CHID1: variants seen among roughly 807,000 people sequenced by gnomAD.
The protein encoded by CHID1 is chitinase domain-containing protein 1.
CHID1 carries 44 observed loss-of-function variants against 55.4 expected under a neutral mutation model. The ratio of observed to expected loss-of-function variants is 0.79; its 90% CI spans 0.62 to 1.02. The LOEUF is 1.02. Ranked by LOEUF, CHID1 falls within the 50% of genes least tolerant of loss-of-function variation. The pLI is 0.00. For missense variants in CHID1, 491 were observed against 515.3 expected, an observed-to-expected ratio of 0.95 and a Z score of 0.46; for synonymous variants, 216 against 212.9, an observed-to-expected ratio of 1.01 and a Z score of -0.13.
chr11:906,920 C>T (rs538231293), intron 1 of CHID1, among the ~76,000 whole-genome samples: 6 of 152,134 alleles, frequency 3.9e-5, no homozygotes, highest in Admixed American at 1.3e-4. Context: ...CCCAGCTTCT[C>T]GGGACGCTGA....
rs763040581 is a variant in CHID1, at chr11:868,890, C to A, written c.*968G>T. 1 of 152,156 alleles carries A rather than the reference C, an allele frequency of 6.6e-6. No homozygotes were observed. Among genetic ancestry groups the A allele is most frequent in the African/African-American group, 2.4e-5 (1 of 41,400 alleles). The allele number at this position is 152,156 out of a possible 1,614,324, so 9.4% of individuals were successfully genotyped here. On this transcript the variant is annotated 3_prime_UTR_variant, in exon 13 of 13. Transcript: ENST00000323578. Reference sequence around the variant, plus strand: ...GAGAGACCTTGCCCGGGACATGTACCCACCTATGCCCTCTACTGCCCACCT... The same window carrying A: ...GAGAGACCTTGCCCGGGACATGTACACACCTATGCCCTCTACTGCCCACCT...
Position 906,399 on chromosome 11 carries a change from C to T in CHID1, c.-43-1540G>A, listed in dbSNP as rs192332407. On this transcript the variant is annotated intron_variant, in intron 1 of 12. Coordinates refer to ENST00000323578, the MANE Select transcript of CHID1 (RefSeq NM_023947.4). ...GATTATAGGCGCGTGCCACCACATCCGGCTAGTTTTTGTATTTTTAGTAGA... is the reference window on the plus strand; with the variant it reads ...GATTATAGGCGCGTGCCACCACATCTGGCTAGTTTTTGTATTTTTAGTAGA... Among the ~76,000 whole-genome samples the T allele has an allele frequency of 3.2e-3, 483 of 152,208 alleles. 1 individual carries two copies. The highest frequency in any genetic ancestry group is 0.011 in the African/African-American group (461 of 41,514).
intron 7 of CHID1, among the ~76,000 whole-genome samples, chr11:895,770 G>C (rs1478986194): frequency 6.6e-6 from 1 of 152,148 alleles, no homozygotes; most frequent in Non-Finnish European, 1.5e-5. Flanking sequence ...GTGGTGGTCA[G>C]AGGCAGGACT....
intron 10 of CHID1, chr11:870,747 T>G: frequency 2.1e-6 from 1 of 475,726 alleles, no homozygotes; most frequent in Admixed American, 3.3e-5. Context: ...ACCAAGTCCT[T>G]TCAGTGGCCT....
rs558751574 is a variant in CHID1 at position 884,743 on chromosome 11, C to T, written c.702-574G>A. 2.0e-4 allele frequency among the ~76,000 whole-genome samples: 31 copies of T among 152,348 alleles called. 2 individuals are homozygous for T. The South Asian group carries it at 5.0e-3, about 24-fold the overall frequency. ...GGAGCAAGGCTGTGTGGCACATTCC[C>T]CAGCATGGGGGAAGGGGCGCCAGGG... On this transcript the variant is annotated intron_variant, in intron 8 of 12. Coordinates refer to ENST00000323578, the MANE Select transcript of CHID1 (RefSeq NM_023947.4).
intron 10 of CHID1, among the ~76,000 whole-genome samples, chr11:879,352 G>T (rs905161072): frequency 1.8e-4 from 28 of 152,210 alleles, no homozygotes; most frequent in Admixed American, 1.8e-3. Flanking sequence ...TAGGACCACA[G>T]GCCTGAGCCT....
chr11:899,921 A>T, intron 6 of CHID1, 83 bp downstream of exon 6: 1 of 921,032 alleles, frequency 1.1e-6, no homozygotes, highest in Non-Finnish European at 1.7e-6. Flanking sequence ...AGCCGAGTGG[A>T]GGCCTCGCGG....
At chr11:888,973 C>T (rs2134216065) in intron 8 of CHID1, among the ~76,000 whole-genome samples, 2 of 152,324 alleles carry the variant, frequency 1.3e-5, no homozygotes, top group South Asian at 4.1e-4. Flanking sequence ...ACGCGCTCTG[C>T]TCTTCCCGGG....
intron 8 of CHID1, among the ~76,000 whole-genome samples, chr11:888,759 C>T (rs571569548): frequency 1.3e-5 from 2 of 151,990 alleles, no homozygotes; most frequent in East Asian, 1.9e-4. Flanking sequence ...CACTCGGCCT[C>T]GACTGGACCC....
chr11:908,782 G>A (rs1852420470), intron 1 of CHID1: 2 of 175,610 alleles, frequency 1.1e-5, no homozygotes, highest in East Asian at 1.9e-4. Flanking sequence ...CCTACCTGCC[G>A]TCCTGCAGAT....
In CHID1 at chr11:870,441, C is replaced by G. The variant is rs1326860808; in HGVS notation, c.1018G>C (p.Glu340Gln). 1 of 1,612,094 alleles carries G rather than the reference C, an allele frequency of 6.2e-7. No homozygotes were observed. The highest frequency in any genetic ancestry group is 1.1e-5 in the South Asian group (1 of 90,782). ...PRMVWDSQAS[E>Q]HFFEYKKSRS... The stretch of plus-strand genomic sequence containing the variant: ...CACTTCTTGTACTCGAAGAAGTGCT[C>G]TGAGGCCTGGCTGTCCCACACCATC... Residue 340 changes from glutamate (E) to glutamine (Q), a missense_variant, in exon 11 of 13, where the codon GAG (glutamate) becomes CAG (glutamine). Glu to Gln is a conservative substitution (Grantham distance 29). Coordinates refer to ENST00000323578, the MANE Select transcript of CHID1 (RefSeq NM_023947.4).
intron 8 of CHID1, among the ~76,000 whole-genome samples, chr11:884,461 G>A (rs2134185180): frequency 6.6e-6 from 1 of 152,276 alleles, no homozygotes; most frequent in South Asian, 2.1e-4. Flanking sequence ...CCCATGGAGG[G>A]GCAAGGTCAG....
rs201931075 is a variant in CHID1, at chr11:870,074, C to T, written c.1083+47G>A. 20 of 1,611,550 alleles carry T rather than the reference C, an allele frequency of 1.2e-5. No individual in the cohort carries two copies. In the East Asian group the frequency reaches 2.7e-4, roughly 22 times the overall value. On this transcript the variant is annotated intron_variant, in intron 12 of 12. Coordinates refer to ENST00000323578, the MANE Select transcript of CHID1 (RefSeq NM_023947.4). ...CCCAGGCCAGTGCCTGCTGTGCTGTCGCATGGCCCACCCCTCCCCCGGTCC... is the reference window on the plus strand; with the variant it reads ...CCCAGGCCAGTGCCTGCTGTGCTGTTGCATGGCCCACCCCTCCCCCGGTCC...
chr11:897,148 A>C (rs1851404271), intron 7 of CHID1, among the ~76,000 whole-genome samples: 1 of 77,768 alleles, frequency 1.3e-5, no homozygotes, highest in Non-Finnish European at 2.4e-5. Context: ...CTCCACCCCG[A>C]CACGAGCCTG....
At chr11:902,065 C>T (rs1363739364) in intron 4 of CHID1, 133 bp downstream of exon 4, 12 of 955,332 alleles carry the variant, frequency 1.3e-5, no homozygotes, top group South Asian at 3.1e-5. Context: ...TTAAATCACG[C>T]AGAGACACAC....
chr11:884,870 C>T (rs1306582987), intron 8 of CHID1, among the ~76,000 whole-genome samples: 1 of 152,226 alleles, frequency 6.6e-6, no homozygotes, highest in Admixed American at 6.5e-5. Context: ...CCGCCCTTCC[C>T]TCGGGGACCT....
At chr11:912,686 T>A (rs954722714), upstream of CHID1, among the ~76,000 whole-genome samples, 1 of 151,690 alleles carries the variant, frequency 6.6e-6, no homozygotes, top group African/African-American at 2.4e-5. Context: ...CTACTAAAAA[T>A]ACGAAAAATT....
In CHID1 at chr11:869,759, C is replaced by G. The variant is rs753277982; in HGVS notation, c.*99G>C. On this transcript the variant is annotated 3_prime_UTR_variant, in exon 13 of 13. Coordinates refer to ENST00000323578, the MANE Select transcript of CHID1 (RefSeq NM_023947.4). Reference sequence around the variant, plus strand: ...CCCCCGACTGAGGACTGCAGCAGACCCGTCACAGCAAACGGAGTGGAGGCC... The same window carrying G: ...CCCCCGACTGAGGACTGCAGCAGACGCGTCACAGCAAACGGAGTGGAGGCC... 1.7e-4 allele frequency: 178 copies of G among 1,069,152 alleles called. No individual in the cohort carries two copies. The highest frequency in any genetic ancestry group is 2.5e-4 in the Admixed American group (14 of 56,712). 66.2% of individuals were successfully genotyped at this position (1,069,152 alleles called of 1,614,324 possible). A position where few individuals can be genotyped will look rare whatever the true frequency, so the allele number is the denominator to read the frequency against.
chr11:912,713 G>A (rs1010154584), upstream of CHID1, among the ~76,000 whole-genome samples: 33 of 151,552 alleles, frequency 2.2e-4, no homozygotes, highest in African/African-American at 8.0e-4. Context: ...GCGTAGTGGC[G>A]GGCGCCCGTA....
Sources: gnomAD v4.1 joint callset for allele counts (sites outside exome capture counted in the v4.1 genomes callset) on GRCh38, gnomAD v4.1.1 for gene constraint, MANE v1.5 for transcripts, NCBI Gene and HGNC (gene_info 2026-07-23, HGNC 2026-07-21) for gene names.